GALNT13: variants seen among roughly 807,000 people sequenced by gnomAD.
GALNT13 encodes UDP-GalNAc:polypeptide N-acetylgalactosaminyltransferase 13.
In GALNT13, 28 loss-of-function variants were observed where a neutral mutation model predicts 64.2. The observed-to-expected ratio is 0.44, with a 90% CI of 0.32 to 0.60. GALNT13 has a LOEUF of 0.60. Among genes scored for constraint, GALNT13 ranks in the 20% least tolerant of loss-of-function variants. The pLI, the probability that GALNT13 is intolerant of heterozygous loss-of-function variation, is 0.05. For synonymous variants in GALNT13, 214 were observed against 224.6 expected (o/e 0.95, Z 0.42); for missense variants, 577 against 669.8 (o/e 0.86, Z 1.53).
At chr2:153,549,389 C>A in the GALNT13 span, among the ~76,000 whole-genome samples, 1 of 152,174 alleles carries the variant, frequency 6.6e-6, no homozygotes, top group African/African-American at 2.4e-5. Flanking sequence ...CAACGGTAGA[C>A]TGAAATAGAA....
At chr2:154,052,708 CT>C (rs2105349976) in intron 3 of GALNT13, among the ~76,000 whole-genome samples, 1 of 133,354 alleles carries the variant, frequency 7.5e-6, no homozygotes, top group South Asian at 2.5e-4. Flanking sequence ...ATGGACACTT[CT>C]TTGTTCACTT....
the GALNT13 span, among the ~76,000 whole-genome samples, chr2:153,403,918 C>A: frequency 6.6e-6 from 1 of 152,272 alleles, no homozygotes; most frequent in South Asian, 2.1e-4. Flanking sequence ...AGCTGTAGAC[C>A]GGAGCTGTTC....
intron 8 of GALNT13, among the ~76,000 whole-genome samples, chr2:154,275,516 C>T (rs756683757): frequency 6.6e-6 from 1 of 152,210 alleles, no homozygotes; most frequent in Non-Finnish European, 1.5e-5. Context: ...GCTGTTAGGC[C>T]TGTGGGTTCA....
chr2:153,214,472 CTCTATAAAATCAAG>C, the GALNT13 span, among the ~76,000 whole-genome samples: 65 of 152,108 alleles, frequency 4.3e-4, no homozygotes, highest in Non-Finnish European at 8.5e-4. Flanking sequence ...TGTACCCACT[CTCTATAAAATCAAG>C]TGCTGTGAAA....
chr2:153,408,929 G>C, the GALNT13 span, among the ~76,000 whole-genome samples: 1 of 152,136 alleles, frequency 6.6e-6, no homozygotes, highest in East Asian at 1.9e-4. Flanking sequence ...TTGGCTGCCA[G>C]TGCAGCTAGA....
chr2:154,327,261 T>G (rs558847665), intron 9 of GALNT13, among the ~76,000 whole-genome samples: 2 of 152,184 alleles, frequency 1.3e-5, no homozygotes, highest in South Asian at 4.1e-4. Context: ...GTTGAAAGTT[T>G]CCTGAGGTGT....
At chr2:153,895,726 C>T (rs766685197) in intron 1 of GALNT13, among the ~76,000 whole-genome samples, 24 of 152,048 alleles carry the variant, frequency 1.6e-4, no homozygotes, top group Non-Finnish European at 2.8e-4. Flanking sequence ...CAAGTTTTAA[C>T]AGTCTCATGC....
intron 3 of GALNT13, among the ~76,000 whole-genome samples, chr2:154,062,314 A>G (rs956295791): frequency 2.0e-5 from 3 of 151,916 alleles, no homozygotes; most frequent in Non-Finnish European, 4.4e-5. Flanking sequence ...TCTTGGTAAT[A>G]TTTTCCTTTT....
At chr2:153,996,817 T>G (rs190888266) in intron 3 of GALNT13, among the ~76,000 whole-genome samples, 10 of 152,262 alleles carry the variant, frequency 6.6e-5, no homozygotes, top group African/African-American at 2.4e-4. Context: ...TATATTTGAG[T>G]CTTTAATCCA....
chr2:154,407,225 C>T (rs1327646312), intron 10 of GALNT13, among the ~76,000 whole-genome samples: 1 of 152,128 alleles, frequency 6.6e-6, no homozygotes, highest in African/African-American at 2.4e-5. Context: ...GCATACCTTA[C>T]ATCTAAAAAT....
At chr2:154,282,988 C>A (rs1282025357) in intron 8 of GALNT13, among the ~76,000 whole-genome samples, 1 of 152,174 alleles carries the variant, frequency 6.6e-6, no homozygotes, top group African/African-American at 2.4e-5. Flanking sequence ...TGGCAAGTTT[C>A]ATATCAAGAA....
At chr2:153,107,322 G>T in the GALNT13 span, among the ~76,000 whole-genome samples, 33 of 152,090 alleles carry the variant, frequency 2.2e-4, 1 homozygote, top group Admixed American at 6.6e-5. Flanking sequence ...GAGATCAGTG[G>T]TTTTCCAAAT....
chr2:154,223,329 G>T (rs1688412025), intron 4 of GALNT13, among the ~76,000 whole-genome samples: 1 of 151,866 alleles, frequency 6.6e-6, no homozygotes, highest in Non-Finnish European at 1.5e-5. Flanking sequence ...AGGGCTTCTG[G>T]ATAGATACTG....
At chr2:153,873,124 C>T (rs766454939) in intron 1 of GALNT13, among the ~76,000 whole-genome samples, 3 of 152,184 alleles carry the variant, frequency 2.0e-5, no homozygotes, top group Non-Finnish European at 4.4e-5. Flanking sequence ...ACCAGCCCCG[C>T]GATCCCGAAG....
rs183001065 is a variant in GALNT13, at chr2:154,117,271, A to G, written c.143-23066A>G. On this transcript the variant is annotated intron_variant, in intron 3 of 12. Transcript: ENST00000392825. ...TACTTTGCATCCTTCAATCCAATCA[A>G]GTTGACACTCAGTCAACACTTAATC... 1.9e-4 allele frequency among the ~76,000 whole-genome samples: 29 copies of G among 152,284 alleles called. No individual in the cohort carries two copies. In the East Asian group the frequency reaches 4.6e-3, roughly 24 times the overall value.
chr2:153,383,232 A>C, the GALNT13 span, among the ~76,000 whole-genome samples: 30 of 152,072 alleles, frequency 2.0e-4, 1 homozygote, highest in Admixed American at 1.3e-4. Context: ...ATAAGATAGA[A>C]GAAAATTTGA....
chr2:153,910,076 T>C (rs544601024), intron 2 of GALNT13, among the ~76,000 whole-genome samples: 51 of 152,110 alleles, frequency 3.4e-4, no homozygotes, highest in Admixed American at 1.5e-3. Flanking sequence ...GCTTTTTTTT[T>C]TTTGGTTGGT....
At chr2:153,318,963 T>C in the GALNT13 span, among the ~76,000 whole-genome samples, 16 of 152,190 alleles carry the variant, frequency 1.1e-4, no homozygotes, top group Non-Finnish European at 2.2e-4. Flanking sequence ...AATTTCTTCC[T>C]TCCAACAATC....
chr2:153,546,047 C>G, the GALNT13 span, among the ~76,000 whole-genome samples: 2 of 152,314 alleles, frequency 1.3e-5, no homozygotes, highest in Admixed American at 6.5e-5. Flanking sequence ...CTCATTCCCA[C>G]CATCCTGAAT....
Sources: gnomAD v4.1 joint callset for allele counts (sites outside exome capture counted in the v4.1 genomes callset) on GRCh38, gnomAD v4.1.1 for gene constraint, MANE v1.5 for transcripts, NCBI Gene and HGNC (gene_info 2026-07-23, HGNC 2026-07-21) for gene names.